The following FAM120B variants were observed in gnomAD, a reference collection of about 807,000 sequenced individuals.
FAM120B encodes constitutive coactivator of peroxisome proliferator-activated receptor gamma.
Under a neutral mutation model 96.3 loss-of-function variants are expected in FAM120B, and 83 were observed. The ratio of observed to expected loss-of-function variants is 0.86; its 90% CI spans 0.72 to 1.03. The LOEUF is 1.03. Among genes scored for constraint, FAM120B ranks in the 50% least tolerant of loss-of-function variants. The probability of loss-of-function intolerance (pLI) is 0.00; values close to 1 mark genes in which losing one functional copy is unlikely to be tolerated. For missense variants in FAM120B, 1,027 were observed against 1,121.2 expected (o/e 0.92, Z 1.20); for synonymous variants, 407 against 402.7 (o/e 1.01, Z -0.13).
chr6:170,323,284 G>C, intron 3 of FAM120B, 25 bp downstream of exon 3: 1 of 1,590,874 alleles, frequency 6.3e-7, no homozygotes, highest in East Asian at 2.3e-5. Flanking sequence ...GTCCCTCTTA[G>C]TAAAGGTTCT....
intron 1 of FAM120B, among the ~76,000 whole-genome samples, chr6:170,300,736 G>A (rs545297795): frequency 1.4e-4 from 21 of 152,334 alleles, no homozygotes; most frequent in African/African-American, 5.0e-4. Flanking sequence ...AGGGACCACA[G>A]GCCCCATGCA....
At chr6:170,383,378 A>G (rs1172006821) in intron 6 of FAM120B, among the ~76,000 whole-genome samples, 1 of 152,252 alleles carries the variant, frequency 6.6e-6, no homozygotes, top group East Asian at 1.9e-4. Flanking sequence ...AAGACAACCT[A>G]CTGCCAGGGA....
At chr6:170,397,538 G>A (rs1487032993) in intron 9 of FAM120B, among the ~76,000 whole-genome samples, 2 of 152,096 alleles carry the variant, frequency 1.3e-5, no homozygotes, top group African/African-American at 4.8e-5. Flanking sequence ...CTTGACCCAG[G>A]TGATTGCAGC....
At chr6:170,327,108 A>T (rs1222446091) in intron 3 of FAM120B, among the ~76,000 whole-genome samples, 1 of 151,844 alleles carries the variant, frequency 6.6e-6, no homozygotes, top group Non-Finnish European at 1.5e-5. Flanking sequence ...GGGCAGTAGC[A>T]CAATCTTGGC....
intron 6 of FAM120B, among the ~76,000 whole-genome samples, chr6:170,361,224 A>ATATATATATACG (rs1562567054): frequency 8.7e-5 from 10 of 115,064 alleles, no homozygotes; most frequent in East Asian, 6.2e-4. Flanking sequence ...ATATATATAT[A>ATATATATATACG]TATATATATA....
chr6:170,351,765 G>T (rs1787597555), intron 5 of FAM120B, among the ~76,000 whole-genome samples: 1 of 152,210 alleles, frequency 6.6e-6, no homozygotes, highest in Non-Finnish European at 1.5e-5. Flanking sequence ...CAACAGGCTT[G>T]CCTTGCAAGA....
intron 6 of FAM120B, among the ~76,000 whole-genome samples, chr6:170,372,766 C>T (rs978001615): frequency 6.6e-6 from 1 of 152,132 alleles, no homozygotes. Context: ...GCTGCACTGG[C>T]GCTCGCTTAC....
rs143423092 is a variant in FAM120B, at chr6:170,373,384, G to C, written c.2284-14903G>C. On this transcript the variant is annotated intron_variant, in intron 6 of 10. Coordinates refer to ENST00000476287, the MANE Select transcript of FAM120B (RefSeq NM_032448.3). ...AGACCTGGGGCCAACCCTCTGTCAC[G>C]CTGACTTGGGCTCCCAGAATGTTCC... is the stretch of plus-strand genomic sequence containing the variant. 4.5e-3 allele frequency among the ~76,000 whole-genome samples: 684 copies of C among 152,268 alleles called. 8 individuals are homozygous for C. The highest frequency in any genetic ancestry group is 0.016 in the African/African-American group (671 of 41,556).
intron 4 of FAM120B, among the ~76,000 whole-genome samples, chr6:170,331,773 T>G (rs1023643622): frequency 2.0e-5 from 3 of 152,214 alleles, no homozygotes; most frequent in African/African-American, 7.2e-5. Flanking sequence ...TTCCAGAAAT[T>G]GTATAAGTAT....
chr6:170,402,700 C>G (rs1484767556), intron 9 of FAM120B, among the ~76,000 whole-genome samples: 1 of 152,228 alleles, frequency 6.6e-6, no homozygotes, highest in African/African-American at 2.4e-5. Context: ...GGGTTCCCTT[C>G]TCACCACCTA....
At chr6:170,351,382 C>A (rs1299441028) in intron 5 of FAM120B, among the ~76,000 whole-genome samples, 3 of 152,134 alleles carry the variant, frequency 2.0e-5, no homozygotes, top group Non-Finnish European at 4.4e-5. Flanking sequence ...TTTAGGATAT[C>A]ATTCAGGAGA....
intron 4 of FAM120B, among the ~76,000 whole-genome samples, chr6:170,338,494 G>A (rs1786589977): frequency 6.6e-6 from 1 of 152,300 alleles, no homozygotes; most frequent in African/African-American, 2.4e-5. Context: ...GTGCTGAGAA[G>A]AATGTATATT....
chr6:170,295,331 C>A lies in FAM120B; in HGVS notation c.-75C>A. 1.4e-6 allele frequency: 1 copy of A among 696,144 alleles called. No individual in the cohort carries two copies. Among genetic ancestry groups the A allele is most frequent in the Non-Finnish European group, 2.6e-6 (1 of 381,906 alleles). The allele number at this position is 696,144 out of a possible 1,614,324, so 43.1% of individuals were successfully genotyped here. A position where few individuals can be genotyped will look rare whatever the true frequency, so the allele number is the denominator to read the frequency against. ...CACAGATGTGTTCACACTCGGTTGCCGCGCGTGGACTTACAAGCCCACGAA... is the reference window on the plus strand; with the variant it reads ...CACAGATGTGTTCACACTCGGTTGCAGCGCGTGGACTTACAAGCCCACGAA... On this transcript the variant is annotated 5_prime_UTR_variant, in exon 1 of 11. Transcript: ENST00000537664. This position sits in a 1 kb window ranked among gnomAD's most constrained non-coding sequence, Gnocchi z 7.8.
chr6:170,322,004 A>T (rs1021416546), intron 2 of FAM120B, among the ~76,000 whole-genome samples: 26 of 152,352 alleles, frequency 1.7e-4, no homozygotes, highest in Non-Finnish European at 3.1e-4. Flanking sequence ...TTGAATAGTA[A>T]TCTAGATGAA....
At chr6:170,325,248 A>G (rs1202698586) in intron 3 of FAM120B, among the ~76,000 whole-genome samples, 1 of 152,124 alleles carries the variant, frequency 6.6e-6, no homozygotes, top group Non-Finnish European at 1.5e-5. Context: ...CAGTATTCTT[A>G]CTGTTAATGT....
rs552944086 is a variant in FAM120B at position 170,405,566 on chromosome 6, G to A, written c.*815G>A. 4 of 152,318 alleles carry A rather than the reference G, an allele frequency of 2.6e-5. No homozygotes were observed. The highest frequency in any genetic ancestry group is 4.8e-5 in the African/African-American group (2 of 41,568). The allele number at this position is 152,318 out of a possible 1,614,324, so 9.4% of individuals were successfully genotyped here. A position where few individuals can be genotyped will look rare whatever the true frequency, so the allele number is the denominator to read the frequency against. Reference sequence around the variant, plus strand: ...AGACTTCAGTTGACCATGAGTAACCGAAACCACAGAAAGTGAAGCTGGGGA... The same window carrying A: ...AGACTTCAGTTGACCATGAGTAACCAAAACCACAGAAAGTGAAGCTGGGGA... On this transcript the variant is annotated 3_prime_UTR_variant, in exon 11 of 11. Transcript: ENST00000476287.
At chr6:170,373,183 AC>A (rs1774292645) in intron 6 of FAM120B, among the ~76,000 whole-genome samples, 1 of 152,164 alleles carries the variant, frequency 6.6e-6, no homozygotes, top group African/African-American at 2.4e-5. Context: ...ATGCCCTGGG[AC>A]CCTGGACTCT....
intron 3 of FAM120B, among the ~76,000 whole-genome samples, chr6:170,326,039 C>T (rs916571207): frequency 1.3e-5 from 2 of 151,918 alleles, no homozygotes; most frequent in Non-Finnish European, 2.9e-5. Flanking sequence ...TTGCTATTGT[C>T]GTTTTATGTC....
At chr6:170,311,502 A>T (rs112612154) in intron 1 of FAM120B, among the ~76,000 whole-genome samples, 4 of 152,314 alleles carry the variant, frequency 2.6e-5, no homozygotes, top group African/African-American at 9.6e-5. Flanking sequence ...CCTTTAAAAG[A>T]TTTCCTCCGT....
Sources: allele counts gnomAD v4.1 joint callset (sites outside exome capture counted in the v4.1 genomes callset), GRCh38; gene constraint gnomAD v4.1.1; non-coding constraint Gnocchi (gnomAD v3.1); transcripts MANE v1.5; gene names NCBI Gene and HGNC (gene_info 2026-07-23, HGNC 2026-07-21).